Variants in IMPG1 observed in about 807,000 individuals in gnomAD.
The protein encoded by IMPG1 is interphotoreceptor matrix proteoglycan of 150 kDa.
A neutral mutation model predicts 92.0 loss-of-function variants in IMPG1; 85 were observed. That is an observed-to-expected ratio of 0.92 (90% CI 0.78 to 1.11). The LOEUF is 1.11. Ranked by LOEUF, IMPG1 falls within the 50% of genes least tolerant of loss-of-function variation. The pLI is 0.00. For synonymous variants in IMPG1, 367 were observed against 334.1 expected, an observed-to-expected ratio of 1.10 and a Z score of -1.08; for missense variants, 1,022 against 956.0, an observed-to-expected ratio of 1.07 and a Z score of -0.91.
At chr6:76,035,269 G>GAGGTGGGCGGATCACCTGAGGTC (rs1351905954) in intron 2 of IMPG1, among the ~76,000 whole-genome samples, 4 of 152,032 alleles carry the variant, frequency 2.6e-5, no homozygotes, top group Non-Finnish European at 5.9e-5. Flanking sequence ...TTGGGAGGCT[G>GAGGTGGGCGGATCACCTGAGGTC]AGGTGGGCGG....
intron 14 of IMPG1, among the ~76,000 whole-genome samples, chr6:75,945,523 G>A (rs1183852839): frequency 6.6e-6 from 1 of 151,798 alleles, no homozygotes; most frequent in Non-Finnish European, 1.5e-5. Context: ...GCTTATTTTT[G>A]TATTTTTAGT....
At chr6:76,018,262 A>G (rs1205461540) in intron 7 of IMPG1, among the ~76,000 whole-genome samples, 1 of 152,244 alleles carries the variant, frequency 6.6e-6, no homozygotes, top group East Asian at 1.9e-4. Flanking sequence ...ATAATGAAAT[A>G]GAACAATTGT....
intron 12 of IMPG1, among the ~76,000 whole-genome samples, chr6:75,965,630 C>G (rs1381164886): frequency 1.2e-5 from 1 of 85,332 alleles, no homozygotes; most frequent in Non-Finnish European, 2.2e-5. Context: ...TTTTTTGAGA[C>G]GGAGTCTCGC....
chr6:75,942,702 A>G lies in IMPG1; in HGVS notation c.2044+4612T>C, dbSNP rs545664666. Reference sequence around the variant, plus strand: ...GCTTACACGCAAATATCCCACCAAAAGGAGAAAATTTGGATCAGCCAATCG... The same window carrying G: ...GCTTACACGCAAATATCCCACCAAAGGGAGAAAATTTGGATCAGCCAATCG... On this transcript the variant is annotated intron_variant, in intron 14 of 16. Transcript: ENST00000369950. Among the ~76,000 whole-genome samples, 7 of 152,326 alleles carry G rather than the reference A, an allele frequency of 4.6e-5. 1 individual carries two copies. In the East Asian group the frequency reaches 1.2e-3, roughly 25 times the overall value.
At chr6:75,930,834 C>T in intron 15 of IMPG1, 119 bp downstream of exon 15, 1 of 910,340 alleles carries the variant, frequency 1.1e-6, no homozygotes, top group Non-Finnish European at 1.7e-6. Flanking sequence ...GATTTCTACA[C>T]TCACTAAAGT....
chr6:75,952,253 G>A (rs1457978169), intron 12 of IMPG1, among the ~76,000 whole-genome samples: 1 of 152,092 alleles, frequency 6.6e-6, no homozygotes, highest in Non-Finnish European at 1.5e-5. Context: ...TTCTTCAGTG[G>A]CCTTTTGGCA....
At chr6:75,944,838 A>G (rs1324487804) in intron 14 of IMPG1, among the ~76,000 whole-genome samples, 2 of 152,234 alleles carry the variant, frequency 1.3e-5, no homozygotes, top group African/African-American at 4.8e-5. Context: ...GAGTTGGTGC[A>G]GGCTCAGGGT....
intron 12 of IMPG1, among the ~76,000 whole-genome samples, chr6:75,974,721 G>T (rs1216743008): frequency 6.6e-6 from 1 of 151,904 alleles, no homozygotes; most frequent in Admixed American, 6.6e-5. Context: ...TCACCATGTT[G>T]GCCAGGCTGG....
At chr6:76,034,168 T>C (rs886332044) in intron 4 of IMPG1, 147 bp downstream of exon 4, 5 of 714,996 alleles carry the variant, frequency 7.0e-6, no homozygotes, top group Non-Finnish European at 1.2e-5. Context: ...CAGTACATTA[T>C]ATGCAGGAAT....
intron 14 of IMPG1, among the ~76,000 whole-genome samples, chr6:75,947,090 G>A (rs749892583): frequency 2.0e-5 from 3 of 152,110 alleles, no homozygotes; most frequent in African/African-American, 4.8e-5. Flanking sequence ...GCAACAAGAG[G>A]TGTGCTTGTT....
At chr6:76,058,612 T>A (rs1381171377) in intron 1 of IMPG1, among the ~76,000 whole-genome samples, 1 of 152,184 alleles carries the variant, frequency 6.6e-6, no homozygotes, top group Non-Finnish European at 1.5e-5. Flanking sequence ...CCTTACAGCT[T>A]CTGCTCTTAA....
At chr6:76,012,758 C>T (rs73466871) in intron 7 of IMPG1, among the ~76,000 whole-genome samples, 5,131 of 152,230 alleles carry the variant, frequency 0.034, 278 homozygotes, top group African/African-American at 0.12. Context: ...ATCAGTGATA[C>T]GCAGCCTTGA....
Position 76,065,424 on chromosome 6 carries a change from A to G in IMPG1, c.67+6998T>C, listed in dbSNP as rs371938773. ...TAGGATGTCTGCAAATAAAAAATTC[A>G]TTGAAGGAATTACAAAATGCTGTAA... On this transcript the variant is annotated intron_variant, in intron 1 of 16. Coordinates refer to ENST00000369950, the MANE Select transcript of IMPG1 (RefSeq NM_001563.4). Among the ~76,000 whole-genome samples, 113 of 152,284 alleles carry G rather than the reference A, an allele frequency of 7.4e-4. 3 individuals are homozygous for G. The South Asian group carries it at 0.016, about 22-fold the overall frequency.
chr6:75,976,480 T>G (rs2149467865), intron 12 of IMPG1, among the ~76,000 whole-genome samples: 1 of 152,242 alleles, frequency 6.6e-6, no homozygotes, highest in East Asian at 1.9e-4. Flanking sequence ...AAGAATCATT[T>G]GAACCCAGAA....
chr6:75,929,035 A>G (rs1781615677), intron 15 of IMPG1, among the ~76,000 whole-genome samples: 2 of 152,180 alleles, frequency 1.3e-5, no homozygotes, highest in Non-Finnish European at 2.9e-5. Flanking sequence ...GGGCTATACA[A>G]TTGTTTCATG....
intron 5 of IMPG1, among the ~76,000 whole-genome samples, chr6:76,023,273 A>G (rs1168461371): frequency 6.6e-6 from 1 of 152,170 alleles, no homozygotes; most frequent in East Asian, 1.9e-4. Flanking sequence ...ATTGGGATGG[A>G]GGTGTTCTGT....
At position 75,922,130 on chromosome 6, in the gene IMPG1, C is replaced by G; in HGVS notation, c.2353G>C (p.Glu785Gln). The G allele has an allele frequency of 7.1e-7, 1 of 1,412,656 alleles. No individual in the cohort carries two copies. The highest frequency in any genetic ancestry group is 9.9e-7 in the Non-Finnish European group (1 of 1,007,534). 87.5% of individuals were successfully genotyped at this position (1,412,656 alleles called of 1,614,324 possible). A position where few individuals can be genotyped will look rare whatever the true frequency, so the allele number is the denominator to read the frequency against. The change falls in exon 17 of 17, where the codon GAA becomes CAA. Residue 785 changes from glutamate (E) to glutamine (Q), a missense_variant. By Grantham distance (29) the Glu-to-Gln change is conservative (BLOSUM62 2). Around this residue, in one of 3 missense-constraint regions of IMPG1, gnomAD observed 332 missense variants for 346.2 expected, o/e 0.96. Transcript: ENST00000369950. ...TCTTGATGGTTAAATTCTTCATATT[C>G]TACGGTCAGTAATTCAGAATTTCTT... ...SKRNSELLTVEYEEFNHQDWE... is the reference protein window; with the variant it reads ...SKRNSELLTVQYEEFNHQDWE...
chr6:76,059,571 A>C (rs1784171240), intron 1 of IMPG1, among the ~76,000 whole-genome samples: 1 of 152,098 alleles, frequency 6.6e-6, no homozygotes, highest in Non-Finnish European at 1.5e-5. Flanking sequence ...TTGGCTTTTG[A>C]GTTAATAGTA....
intron 12 of IMPG1, among the ~76,000 whole-genome samples, chr6:75,987,926 C>A (rs764955710): frequency 6.6e-6 from 1 of 152,138 alleles, no homozygotes; most frequent in Non-Finnish European, 1.5e-5. Context: ...GGATTACAGG[C>A]GTGAGCCACC....
Sources: gnomAD v4.1 joint callset for allele counts (sites outside exome capture counted in the v4.1 genomes callset) on GRCh38, gnomAD v4.1.1 for gene constraint, gnomAD v4.1.1 regional missense constraint, MANE v1.5 for transcripts, NCBI Gene and HGNC (gene_info 2026-07-23, HGNC 2026-07-21) for gene names.